RALYL: variants seen among roughly 807,000 people sequenced by gnomAD.
RALYL encodes the protein RNA-binding Raly-like protein.
A neutral mutation model predicts 35.1 loss-of-function variants in RALYL; 29 were observed. The ratio of observed to expected loss-of-function variants is 0.83; its 90% CI spans 0.61 to 1.13. RALYL has a LOEUF of 1.13. Ranked by LOEUF, RALYL falls within the 50% of genes most tolerant of loss-of-function variation. The probability of loss-of-function intolerance (pLI) is 0.00; values close to 1 mark genes in which losing one functional copy is unlikely to be tolerated. For synonymous variants in RALYL, 120 were observed against 127.6 expected (o/e 0.94, Z 0.40); for missense variants, 359 against 360.4 (o/e 1.00, Z 0.03).
intron 1 of RALYL, among the ~76,000 whole-genome samples, chr8:84,430,679 A>C (rs1437488964): frequency 1.3e-5 from 2 of 152,134 alleles, no homozygotes; most frequent in African/African-American, 2.4e-5. Context: ...AAAATTATGA[A>C]TGACAATTTT....
At chr8:84,443,337 C>T (rs1354394914) in intron 1 of RALYL, among the ~76,000 whole-genome samples, 2 of 152,048 alleles carry the variant, frequency 1.3e-5, no homozygotes, top group Admixed American at 1.3e-4. Flanking sequence ...ACCCTAGTTA[C>T]GTAAAAAACT....
chr8:84,769,862 AAAGT>A (rs375090333), intron 2 of RALYL, among the ~76,000 whole-genome samples: 2,963 of 152,322 alleles, frequency 0.019, 42 homozygotes, highest in South Asian at 0.064. Flanking sequence ...CATACAGAAT[AAAGT>A]AAGTAAGTTA....
chr8:84,568,972 G>A (rs1341195034), intron 2 of RALYL, among the ~76,000 whole-genome samples: 92 of 145,518 alleles, frequency 6.3e-4, no homozygotes, highest in South Asian at 1.1e-3. Flanking sequence ...AGTAGGTTGC[G>A]AAAATTTTCT....
chr8:84,647,439 A>T (rs904204651), intron 2 of RALYL, among the ~76,000 whole-genome samples: 2 of 152,072 alleles, frequency 1.3e-5, no homozygotes, highest in Non-Finnish European at 2.9e-5. Context: ...ATGCCTGAAG[A>T]TAGAAATTGG....
chr8:84,851,013 T>C (rs1835749381), intron 5 of RALYL, among the ~76,000 whole-genome samples: 1 of 152,204 alleles, frequency 6.6e-6, no homozygotes, highest in African/African-American at 2.4e-5. Flanking sequence ...ATCCCTATAA[T>C]GAGCTATTTC....
At chr8:84,540,449 T>C (rs1421208708) in intron 2 of RALYL, among the ~76,000 whole-genome samples, 2 of 152,008 alleles carry the variant, frequency 1.3e-5, no homozygotes, top group African/African-American at 4.8e-5. Context: ...ATGCACGCAT[T>C]CAAATGAATT....
intron 2 of RALYL, among the ~76,000 whole-genome samples, chr8:84,683,079 C>G (rs967250671): frequency 1.3e-5 from 2 of 152,176 alleles, no homozygotes; most frequent in Non-Finnish European, 2.9e-5. Flanking sequence ...ATCTTTATCT[C>G]TGCCTTCATT....
chr8:84,621,279 T>A (rs1365756199), intron 2 of RALYL, among the ~76,000 whole-genome samples: 2 of 152,178 alleles, frequency 1.3e-5, no homozygotes, highest in Non-Finnish European at 2.9e-5. Flanking sequence ...CTGAGCCAGG[T>A]GCAGGATATA....
rs115008869 is a variant in RALYL, at chr8:84,308,980, T to C, written c.-24+124556T>C. Among the ~76,000 whole-genome samples, 638 of 151,878 alleles carry C rather than the reference T, an allele frequency of 4.2e-3. 7 individuals are homozygous for C. Among genetic ancestry groups the C allele is most frequent in the African/African-American group, 0.014 (593 of 41,530 alleles). On this transcript the variant is annotated intron_variant, in intron 1 of 8. Coordinates refer to ENST00000521268, the MANE Select transcript of RALYL (RefSeq NM_173848.7). The stretch of plus-strand genomic sequence containing the variant: ...ATCACCATATGTTGAATTAAGGCAA[T>C]AATTACTAATTGACATAAAATTATA...
chr8:84,491,782 T>G (rs2055337804), intron 1 of RALYL, among the ~76,000 whole-genome samples: 1 of 152,036 alleles, frequency 6.6e-6, no homozygotes, highest in Non-Finnish European at 1.5e-5. Context: ...CTTAGATATA[T>G]TTGATGATAA....
intron 5 of RALYL, 47 bp from the exon 6 acceptor site, chr8:84,862,249 C>T (rs1838242763): frequency 1.4e-6 from 2 of 1,394,212 alleles, no homozygotes; most frequent in Non-Finnish European, 1.9e-6. Context: ...TTTGATAGAA[C>T]TCTCGGGCAT....
At chr8:84,732,777 G>A (rs998463327) in intron 2 of RALYL, among the ~76,000 whole-genome samples, 14 of 151,022 alleles carry the variant, frequency 9.3e-5, no homozygotes, top group Non-Finnish European at 2.1e-4. Flanking sequence ...GCTCACTGCA[G>A]CCTCTGCCTC....
chr8:84,779,113 C>A (rs1020367363), intron 3 of RALYL, among the ~76,000 whole-genome samples: 1 of 152,180 alleles, frequency 6.6e-6, no homozygotes, highest in Non-Finnish European at 1.5e-5. Context: ...CTAATCCATT[C>A]TCTAGGGAAA....
At chr8:84,365,379 C>T (rs1233585848) in intron 1 of RALYL, among the ~76,000 whole-genome samples, 2 of 152,074 alleles carry the variant, frequency 1.3e-5, no homozygotes, top group Admixed American at 6.6e-5. Flanking sequence ...AGTGAGTCCT[C>T]ATCTATAGGA....
chr8:84,843,424 C>G (rs1312983388), intron 4 of RALYL, among the ~76,000 whole-genome samples: 1 of 152,044 alleles, frequency 6.6e-6, no homozygotes, highest in Non-Finnish European at 1.5e-5. Flanking sequence ...TATGAAGGAC[C>G]TCTTCAAGGA....
chr8:84,691,327 A>C (rs1387063), intron 2 of RALYL, among the ~76,000 whole-genome samples: 56,070 of 151,808 alleles, frequency 0.37, 12,721 homozygotes, highest in South Asian at 0.56. Context: ...TTGTCCACAG[A>C]TCACTCTTGA....
chr8:84,314,708 A>C (rs1202139340), intron 1 of RALYL, among the ~76,000 whole-genome samples: 2 of 152,174 alleles, frequency 1.3e-5, no homozygotes, highest in African/African-American at 4.8e-5. Flanking sequence ...CAGCCTGGGC[A>C]ACAACAAAGT....
chr8:84,552,338 G>GTATATATA (rs779399854), intron 2 of RALYL, among the ~76,000 whole-genome samples: 4 of 73,924 alleles, frequency 5.4e-5, no homozygotes, highest in East Asian at 4.1e-4. Flanking sequence ...GGATGTGTGT[G>GTATATATA]TATATATATA....
At chr8:84,352,282 T>A (rs1300731402) in intron 1 of RALYL, among the ~76,000 whole-genome samples, 1 of 150,180 alleles carries the variant, frequency 6.7e-6, no homozygotes, top group Non-Finnish European at 1.5e-5. Flanking sequence ...TACTCTTAAG[T>A]AATTTAGAAC....
Sources: allele counts gnomAD v4.1 joint callset (sites outside exome capture counted in the v4.1 genomes callset), GRCh38; gene constraint gnomAD v4.1.1; transcripts MANE v1.5; gene names NCBI Gene and HGNC (gene_info 2026-07-23, HGNC 2026-07-21).